Variants in MAOB observed in about 807,000 individuals in gnomAD.
MAOB encodes the protein monoamine oxidase B.
Under a neutral mutation model 41.9 loss-of-function variants are expected in MAOB, and 15 were observed. The observed-to-expected ratio is 0.36, with a 90% CI of 0.24 to 0.55. MAOB has a LOEUF of 0.55. MAOB is among the 20% of genes least tolerant of loss of function. The pLI is 0.86. For missense variants in MAOB, 345 were observed against 398.7 expected (o/e 0.87, Z 1.15); for synonymous variants, 167 against 144.2 (o/e 1.16, Z -1.13).
rs756514895 is a variant in MAOB at position 43,778,718 on chromosome X, G to A, written c.1101C>T (p.Leu367=). ...KEERLKKLCE[L]YAKVLGSLEA... is the part of the protein sequence containing the mutation. The stretch of plus-strand genomic sequence containing the variant: ...CTAGGGAACCCAGAACCTTGGCATA[G>A]AGTTCACAAAGTTTCTTCAACCTGT... Residue 367 remains leucine, a synonymous_variant, in exon 11 of 15, where the codon CTC becomes CTT. Coordinates refer to ENST00000378069, the MANE Select transcript of MAOB (RefSeq NM_000898.5). 1.2e-5 allele frequency: 14 copies of A among 1,205,505 alleles called. 1 individual carries two copies. Among genetic ancestry groups the A allele is most frequent in the Middle Eastern group, 2.3e-4 (1 of 4,314 alleles).
chrX:43,802,646 G>T (rs910930770), intron 4 of MAOB, among the ~76,000 whole-genome samples: 2 of 111,369 alleles, frequency 1.8e-5, no homozygotes, highest in Non-Finnish European at 1.9e-5. Context: ...CATGTCTATG[G>T]AGTTTTCAGT....
In MAOB at chrX:43,801,220, T is replaced by G. The variant is rs759587038; in HGVS notation, c.476+952A>C. Among the ~76,000 whole-genome samples, 3 of 110,172 alleles carry G rather than the reference T, an allele frequency of 2.7e-5. No individual in the cohort carries two copies. In the South Asian group the frequency reaches 1.2e-3, roughly 43 times the overall value. On this transcript the variant is annotated intron_variant, in intron 5 of 14. Transcript: ENST00000378069. ...TGTATACATGTGCCATGCTGGTGCCTCTCTCTTCTTTTGCCTCACTTTCTT... is the reference window on the plus strand; with the variant it reads ...TGTATACATGTGCCATGCTGGTGCCGCTCTCTTCTTTTGCCTCACTTTCTT...
intron 3 of MAOB, among the ~76,000 whole-genome samples, chrX:43,820,236 C>T (rs1183924296): frequency 1.8e-5 from 2 of 112,342 alleles, no homozygotes; most frequent in Non-Finnish European, 3.8e-5. Context: ...TTTAGTCTTA[C>T]TACAAGAATT....
intron 9 of MAOB, 75 bp from the exon 10 acceptor site, chrX:43,780,470 A>G: frequency 1.4e-6 from 1 of 727,434 alleles, no homozygotes; most frequent in East Asian, 3.3e-5. Flanking sequence ...GTAGCTACAC[A>G]TGTGCCCAGT....
chrX:43,807,418 T>A (rs749386793), intron 3 of MAOB, among the ~76,000 whole-genome samples: 2 of 112,478 alleles, frequency 1.8e-5, no homozygotes, highest in South Asian at 7.4e-4. Context: ...TTAGGTGGTC[T>A]TCTCAGTGTC....
intron 8 of MAOB, among the ~76,000 whole-genome samples, chrX:43,783,545 T>C (rs1013925751): frequency 8.9e-6 from 1 of 112,501 alleles, no homozygotes; most frequent in Non-Finnish European, 1.9e-5. Context: ...TACACTGTAG[T>C]CTATTAAATG....
At chrX:43,837,957 G>A (rs1291457509) in intron 3 of MAOB, 1 of 331,339 alleles carries the variant, frequency 3.0e-6, no homozygotes. Context: ...GATGTGAAGA[G>A]AGTCTGAGGA....
chrX:43,839,278 G>A (rs2035105853), intron 2 of MAOB, among the ~76,000 whole-genome samples: 1 of 111,683 alleles, frequency 9.0e-6, no homozygotes, highest in Non-Finnish European at 1.9e-5. Context: ...TTGGTTTTTA[G>A]TGCTTTGAAT....
At chrX:43,840,447 T>C (rs1271131185) in intron 2 of MAOB, among the ~76,000 whole-genome samples, 1 of 111,500 alleles carries the variant, frequency 9.0e-6, no homozygotes, top group Non-Finnish European at 1.9e-5. Flanking sequence ...TGAGGACAAA[T>C]TCAATTATAA....
At chrX:43,857,116 TAGAGAGAGAGAGAGAGAGAGAGAG>T (rs1163831661) in intron 1 of MAOB, among the ~76,000 whole-genome samples, 18 of 11,356 alleles carry the variant, frequency 1.6e-3, no homozygotes, top group South Asian at 0.015. Flanking sequence ...TATATATATA[TAGAGAGAGAGAGAGAGAGAGAGAG>T]AGAGAGAGAG....
intron 3 of MAOB, among the ~76,000 whole-genome samples, chrX:43,818,401 C>G (rs1405147568): frequency 8.9e-6 from 1 of 111,957 alleles, no homozygotes; most frequent in Non-Finnish European, 1.9e-5. Flanking sequence ...CAGGATTACA[C>G]AGCTGATAAG....
chrX:43,804,099 T>C (rs1306191698), intron 3 of MAOB, among the ~76,000 whole-genome samples: 2 of 111,270 alleles, frequency 1.8e-5, no homozygotes, highest in Non-Finnish European at 3.8e-5. Flanking sequence ...TGATGGCACT[T>C]AAGAGACACG....
chrX:43,835,190 A>G (rs961705132), intron 3 of MAOB, among the ~76,000 whole-genome samples: 5 of 112,574 alleles, frequency 4.4e-5, no homozygotes, highest in Non-Finnish European at 9.4e-5. Context: ...AAAATATAGC[A>G]GGATTCCTTA....
Position 43,776,441 on chromosome X carries a change from A to G in MAOB, c.1138-1169T>C, listed in dbSNP as rs9887081. Among the ~76,000 whole-genome samples, 632 of 112,078 alleles carry G rather than the reference A, an allele frequency of 5.6e-3. 3 individuals are homozygous for G. The highest frequency in any genetic ancestry group is 0.019 in the African/African-American group (596 of 30,857). ...TTCAACTGAAGTTCCCCAAACAACCATCTCACGAGTTGTTGCAGGAACTTC... is the reference window on the plus strand; with the variant it reads ...TTCAACTGAAGTTCCCCAAACAACCGTCTCACGAGTTGTTGCAGGAACTTC... On this transcript the variant is annotated intron_variant, in intron 11 of 14. Coordinates refer to ENST00000378069, the MANE Select transcript of MAOB (RefSeq NM_000898.5).
At chrX:43,774,706 G>A (rs1180289407) in intron 12 of MAOB, among the ~76,000 whole-genome samples, 1 of 111,707 alleles carries the variant, frequency 9.0e-6, no homozygotes, top group African/African-American at 3.3e-5. Context: ...AGTGGCATTT[G>A]AGGAAGTTTT....
chrX:43,808,906 T>C (rs1289673494), intron 3 of MAOB, among the ~76,000 whole-genome samples: 2 of 110,487 alleles, frequency 1.8e-5, no homozygotes, highest in Admixed American at 1.9e-4. Context: ...GGTTTCACCA[T>C]GTTGGCCAAG....
At chrX:43,873,296 A>C (rs1000343650) in intron 1 of MAOB, among the ~76,000 whole-genome samples, 5 of 111,942 alleles carry the variant, frequency 4.5e-5, no homozygotes, top group Non-Finnish European at 9.4e-5. Context: ...ATATGAAGTA[A>C]GGATTCCAAA....
At chrX:43,861,309 G>C (rs1001843593) in intron 1 of MAOB, among the ~76,000 whole-genome samples, 6 of 112,720 alleles carry the variant, frequency 5.3e-5, no homozygotes, top group African/African-American at 1.9e-4. Context: ...ACGCTAGTGC[G>C]GCCATCAGAA....
At chrX:43,800,396 CTAAA>C (rs903641373) in intron 5 of MAOB, among the ~76,000 whole-genome samples, 33 of 111,233 alleles carry the variant, frequency 3.0e-4, no homozygotes, top group African/African-American at 1.1e-3. Flanking sequence ...TAATTTAAAA[CTAAA>C]TACTACAATT....
Sources: allele counts gnomAD v4.1 joint callset (sites outside exome capture counted in the v4.1 genomes callset), GRCh38; gene constraint gnomAD v4.1.1; transcripts MANE v1.5; gene names NCBI Gene and HGNC (gene_info 2026-07-23, HGNC 2026-07-21).